The following PTPRC variants were observed in gnomAD, a reference collection of about 807,000 sequenced individuals.
PTPRC encodes protein tyrosine phosphatase receptor type C.
In PTPRC, 44 loss-of-function variants were observed where a neutral mutation model predicts 155.9. The observed-to-expected ratio is 0.28, with a 90% CI of 0.22 to 0.36. The LOEUF (loss-of-function observed/expected upper bound fraction) is 0.36, where lower values mean the gene tolerates loss of function less well. Ranked by LOEUF, PTPRC falls within the 10% of genes least tolerant of loss-of-function variation. The pLI is 1.00. For synonymous variants in PTPRC, 525 were observed against 533.1 expected (o/e 0.98, Z 0.21); for missense variants, 1,401 against 1,564.6 (o/e 0.90, Z 1.76).
At chr1:198,725,988 G>A (rs558711729) in intron 15 of PTPRC, among the ~76,000 whole-genome samples, 29 of 152,138 alleles carry the variant, frequency 1.9e-4, no homozygotes, top group Admixed American at 7.2e-4. Flanking sequence ...ATATTAGCAG[G>A]GTTCCTGGAA....
chr1:198,703,383 C>T lies in PTPRC; in HGVS notation c.658+11C>T. 1 of 1,611,740 alleles carries T rather than the reference C, an allele frequency of 6.2e-7. No individual in the cohort carries two copies. The highest frequency in any genetic ancestry group is 8.5e-7 in the Non-Finnish European group (1 of 1,180,010). On this transcript the variant is annotated intron_variant, in intron 7 of 32. Coordinates refer to ENST00000442510, the MANE Select transcript of PTPRC (RefSeq NM_002838.5). ...CAACCACAACAATAGGTGATATTACCCTCAGTCAGGCAGCCACACCATCCC... is the reference window on the plus strand; with the variant it reads ...CAACCACAACAATAGGTGATATTACTCTCAGTCAGGCAGCCACACCATCCC...
chr1:198,650,340 G>A (rs1454642998), intron 2 of PTPRC, among the ~76,000 whole-genome samples: 2 of 151,890 alleles, frequency 1.3e-5, no homozygotes, highest in Non-Finnish European at 1.5e-5. Flanking sequence ...TAGATTGGAA[G>A]TAAGGCAAAG....
At chr1:198,755,876 A>G (rs1402040138) in intron 32 of PTPRC, 30 bp from the exon 33 acceptor site, 6 of 1,580,530 alleles carry the variant, frequency 3.8e-6, no homozygotes, top group South Asian at 2.2e-5. Context: ...AACTTTCTTC[A>G]TGTAATTTCC....
Position 198,706,939 on chromosome 1 carries a change from A to G in PTPRC, c.891A>G (p.Leu297=). The G allele has an allele frequency of 6.3e-7, 1 of 1,598,938 alleles. No individual in the cohort carries two copies. Among genetic ancestry groups the G allele is most frequent in the African/African-American group, 1.3e-5 (1 of 74,674 alleles). Residue 297 remains leucine, a synonymous_variant, in exon 9 of 33, where the codon TTA becomes TTG. Coordinates refer to ENST00000442510, the MANE Select transcript of PTPRC (RefSeq NM_002838.5). The stretch of plus-strand genomic sequence containing the variant: ...CTGCTCCTGATAAGACATTAATATT[A>G]GATGTGCCACCAGGTAAATATCAAT... ...SCTAPDKTLI[L]DVPPGVEKFQ...
At position 198,722,410 on chromosome 1, in the gene PTPRC, AT is replaced by A; in HGVS notation, c.1660-4del. On this transcript the variant is annotated splice_polypyrimidine_tract_variant and splice_region_variant and intron_variant, in intron 14 of 32. Coordinates refer to ENST00000442510, the MANE Select transcript of PTPRC (RefSeq NM_002838.5). ...AATTATTTTATTTTTTGTTACTGAAATTCAGGCCTATTTTCACAATGGAGAC... is the reference window on the plus strand; with the variant it reads ...AATTATTTTATTTTTTGTTACTGAAATCAGGCCTATTTTCACAATGGAGAC... 1 of 1,418,664 alleles carries A rather than the reference AT, an allele frequency of 7.0e-7. No homozygotes were observed. The highest frequency in any genetic ancestry group is 9.3e-7 in the Non-Finnish European group (1 of 1,073,876). The allele number at this position is 1,418,664 out of a possible 1,614,324, so 87.9% of individuals were successfully genotyped here. A position where few individuals can be genotyped will look rare whatever the true frequency, so the allele number is the denominator to read the frequency against.
intron 26 of PTPRC, 68 bp from the exon 27 acceptor site, chr1:198,748,041 A>C: frequency 6.5e-7 from 1 of 1,542,916 alleles, no homozygotes; most frequent in Non-Finnish European, 8.7e-7. Flanking sequence ...CTTAGGGAGC[A>C]TCTTATGATG....
rs557184575 is a variant in PTPRC, at chr1:198,698,029, G to A, written c.298+1120G>A. Among the ~76,000 whole-genome samples the A allele has an allele frequency of 6.6e-5, 10 of 152,254 alleles. No individual in the cohort carries two copies. The East Asian group carries it at 1.9e-3, about 29-fold the overall frequency. On this transcript the variant is annotated intron_variant, in intron 4 of 32. Coordinates refer to ENST00000442510, the MANE Select transcript of PTPRC (RefSeq NM_002838.5). The stretch of plus-strand genomic sequence containing the variant: ...CAAAATTTTTACAAAAGGAATGCAA[G>A]GATGAAGGTGCTGATGACTAGGTGG...
At chr1:198,649,919 G>C (rs1663151397) in intron 2 of PTPRC, among the ~76,000 whole-genome samples, 1 of 151,864 alleles carries the variant, frequency 6.6e-6, no homozygotes. Context: ...ATATGGTAGA[G>C]TTTAATCTGG....
chr1:198,665,227 C>CT (rs1318893608), intron 2 of PTPRC, among the ~76,000 whole-genome samples: 4 of 150,582 alleles, frequency 2.7e-5, no homozygotes, highest in Admixed American at 1.3e-4. Flanking sequence ...GTAGGGGGGA[C>CT]TACAGGCGCC....
intron 7 of PTPRC, 105 bp downstream of exon 7, chr1:198,703,477 T>G: frequency 6.4e-7 from 1 of 1,574,378 alleles, no homozygotes; most frequent in Non-Finnish European, 8.6e-7. Context: ...TTCTTTAAGT[T>G]GCATTAAGTG....
At chr1:198,649,504 T>C (rs1663123833) in intron 2 of PTPRC, among the ~76,000 whole-genome samples, 1 of 151,868 alleles carries the variant, frequency 6.6e-6, no homozygotes, top group Admixed American at 6.6e-5. Flanking sequence ...GAAGAAACTT[T>C]AGTGCAAATG....
intron 20 of PTPRC, among the ~76,000 whole-genome samples, chr1:198,732,914 AG>A (rs1654460200): frequency 6.6e-6 from 1 of 151,812 alleles, no homozygotes; most frequent in African/African-American, 2.4e-5. Flanking sequence ...GGCTCAGTTT[AG>A]TTAATTACCT....
At chr1:198,747,956 A>G (rs1220370288) in intron 26 of PTPRC, among the ~76,000 whole-genome samples, 153 bp from the exon 27 acceptor site, 1 of 151,904 alleles carries the variant, frequency 6.6e-6, no homozygotes, top group East Asian at 1.9e-4. Context: ...AAGAAAAAAA[A>G]TCAGAGGCAA....
chr1:198,707,048 G>T lies in PTPRC; in HGVS notation c.904+96G>T. On this transcript the variant is annotated intron_variant, in intron 9 of 32. Transcript: ENST00000442510. ...GGTCACAGGAGCTAGTCTGGTGAGA[G>T]AACAGGGCTGAGGGAAAGGAAATTC... The T allele has an allele frequency of 3.9e-6, 4 of 1,017,606 alleles. No homozygotes were observed. In the South Asian group the frequency reaches 4.1e-5, roughly 10 times the overall value. The allele number at this position is 1,017,606 out of a possible 1,614,324, so 63.0% of individuals were successfully genotyped here.
rs547037160 is a variant in PTPRC at position 198,672,917 on chromosome 1, T to C, written c.74-19430T>C. Among the ~76,000 whole-genome samples the C allele has an allele frequency of 2.6e-5, 4 of 152,356 alleles. No homozygotes were observed. The East Asian group carries it at 7.7e-4, about 29-fold the overall frequency. ...ACTGAAAGCTCTATAATAATTCCTG[T>C]CACCTGAGGATATTGTTAAAACTTC... On this transcript the variant is annotated intron_variant, in intron 2 of 32. Coordinates refer to ENST00000442510, the MANE Select transcript of PTPRC (RefSeq NM_002838.5).
At chr1:198,664,836 T>C (rs1237022003) in intron 2 of PTPRC, among the ~76,000 whole-genome samples, 2 of 152,180 alleles carry the variant, frequency 1.3e-5, no homozygotes, top group African/African-American at 2.4e-5. Flanking sequence ...TATGTCCACA[T>C]AGGCTCTAGC....
intron 2 of PTPRC, among the ~76,000 whole-genome samples, chr1:198,649,947 G>A (rs1328060211): frequency 6.6e-6 from 1 of 151,806 alleles, no homozygotes; most frequent in East Asian, 1.9e-4. Context: ...CAGATTTAGG[G>A]GTGAATGCAC....
chr1:198,687,892 GT>G (rs924958525), intron 2 of PTPRC, among the ~76,000 whole-genome samples: 1 of 151,592 alleles, frequency 6.6e-6, no homozygotes, highest in Non-Finnish European at 1.5e-5. Context: ...GATTCTATGT[GT>G]TTTTTTCAGG....
At chr1:198,641,521 C>T (rs983305900) in intron 2 of PTPRC, among the ~76,000 whole-genome samples, 3 of 152,024 alleles carry the variant, frequency 2.0e-5, no homozygotes, top group Admixed American at 6.6e-5. Context: ...AATGCACACA[C>T]GGACAAGGCC....
Sources: allele counts gnomAD v4.1 joint callset (sites outside exome capture counted in the v4.1 genomes callset), GRCh38; gene constraint gnomAD v4.1.1; transcripts MANE v1.5; gene names NCBI Gene and HGNC (gene_info 2026-07-23, HGNC 2026-07-21).